LRRTM4: variants seen among roughly 807,000 people sequenced by gnomAD.
The protein encoded by LRRTM4 is leucine-rich repeat transmembrane neuronal protein 4.
In LRRTM4, 25 loss-of-function variants were observed where a neutral mutation model predicts 47.6. The ratio of observed to expected loss-of-function variants is 0.53; its 90% CI spans 0.38 to 0.73. LRRTM4 has a LOEUF of 0.73. LRRTM4 is among the 30% of genes least tolerant of loss of function. The pLI, the probability that LRRTM4 is intolerant of heterozygous loss-of-function variation, is 0.00. For synonymous variants in LRRTM4, 311 were observed against 269.5 expected (o/e 1.15, Z -1.51); for missense variants, 638 against 713.4 (o/e 0.89, Z 1.20).
At chr2:76,791,785 A>G (rs1241008042) in intron 3 of LRRTM4, among the ~76,000 whole-genome samples, 1 of 152,236 alleles carries the variant, frequency 6.6e-6, no homozygotes, top group African/African-American at 2.4e-5. Flanking sequence ...TTTCAGAGGT[A>G]TACTTACTTA....
At chr2:77,322,405 T>A (rs1428520721) in intron 3 of LRRTM4, among the ~76,000 whole-genome samples, 2 of 152,124 alleles carry the variant, frequency 1.3e-5, no homozygotes, top group Non-Finnish European at 2.9e-5. Flanking sequence ...GGATAAACTC[T>A]TAGTGTTTCA....
At chr2:76,948,210 T>C (rs1239597579) in intron 3 of LRRTM4, among the ~76,000 whole-genome samples, 1 of 151,844 alleles carries the variant, frequency 6.6e-6, no homozygotes, top group Non-Finnish European at 1.5e-5. Context: ...CCCACAGTAT[T>C]TGTTATTGTG....
At chr2:77,379,702 CTGTTT>C (rs1271036560) in intron 3 of LRRTM4, among the ~76,000 whole-genome samples, 1 of 151,810 alleles carries the variant, frequency 6.6e-6, no homozygotes, top group Non-Finnish European at 1.5e-5. Context: ...TGAATAAATT[CTGTTT>C]TGTTTTGTTT....
intron 3 of LRRTM4, among the ~76,000 whole-genome samples, chr2:77,139,380 A>T (rs1672048149): frequency 1.3e-5 from 2 of 152,212 alleles, no homozygotes; most frequent in African/African-American, 4.8e-5. Context: ...AAGCCACATG[A>T]TTATCTCAAT....
intron 3 of LRRTM4, among the ~76,000 whole-genome samples, chr2:77,171,271 T>C (rs773034160): frequency 6.6e-6 from 1 of 152,088 alleles, no homozygotes. Context: ...GTTGTTTGTT[T>C]GCTTGCTTGC....
rs10204411 is a variant in LRRTM4, at chr2:77,174,806, C to T, written c.1551+343512G>A. The stretch of plus-strand genomic sequence containing the variant: ...TGCTATCCCTCCCCCCTCGCCCCAC[C>T]CCACAACAGGCCCTGGTGTGTGATG... On this transcript the variant is annotated intron_variant, in intron 3 of 3. Transcript: ENST00000409884. Among the ~76,000 whole-genome samples, 1,356 of 152,034 alleles carry T rather than the reference C, an allele frequency of 8.9e-3. 16 individuals are homozygous for T. The highest frequency in any genetic ancestry group is 0.031 in the African/African-American group (1,300 of 41,444).
chr2:77,444,733 G>A (rs1446507925), intron 3 of LRRTM4, among the ~76,000 whole-genome samples: 1 of 151,860 alleles, frequency 6.6e-6, no homozygotes, highest in African/African-American at 2.4e-5. Context: ...AAACTCACAG[G>A]TTATTGAATA....
intron 3 of LRRTM4, among the ~76,000 whole-genome samples, chr2:77,514,592 C>T (rs777261010): frequency 1.2e-4 from 18 of 151,888 alleles, no homozygotes; most frequent in Non-Finnish European, 2.2e-4. Context: ...TGCCATTTTC[C>T]TAATAGCAGC....
chr2:77,081,395 G>T (rs1054742110), intron 3 of LRRTM4, among the ~76,000 whole-genome samples: 2 of 151,538 alleles, frequency 1.3e-5, no homozygotes, highest in Non-Finnish European at 2.9e-5. Context: ...AATGTAAAAG[G>T]TGTTCACATT....
At chr2:77,230,583 T>C (rs1278475977) in intron 3 of LRRTM4, among the ~76,000 whole-genome samples, 2 of 152,172 alleles carry the variant, frequency 1.3e-5, no homozygotes, top group African/African-American at 4.8e-5. Context: ...TTTGACATTC[T>C]TTCCTAAAAC....
At chr2:76,893,574 TAAGTCTAAACTA>T (rs145983591) in intron 3 of LRRTM4, among the ~76,000 whole-genome samples, 333 of 151,576 alleles carry the variant, frequency 2.2e-3, no homozygotes, top group African/African-American at 7.8e-3. Context: ...AATAATTGTG[TAAGTCTAAACTA>T]AGTCCTCTCC....
chr2:77,455,254 C>T (rs900540136), intron 3 of LRRTM4, among the ~76,000 whole-genome samples: 1 of 152,088 alleles, frequency 6.6e-6, no homozygotes, highest in Non-Finnish European at 1.5e-5. Flanking sequence ...AACATAGAGA[C>T]CATAGAGACT....
intron 3 of LRRTM4, among the ~76,000 whole-genome samples, chr2:77,196,853 C>A (rs1487822265): frequency 6.6e-6 from 1 of 151,914 alleles, no homozygotes; most frequent in Admixed American, 6.6e-5. Flanking sequence ...GGAAATAAAC[C>A]ATTTTAAAAA....
chr2:76,773,775 A>G (rs779699203), intron 3 of LRRTM4, among the ~76,000 whole-genome samples: 1 of 151,942 alleles, frequency 6.6e-6, no homozygotes, highest in Admixed American at 6.6e-5. Context: ...AAATCTAAAG[A>G]GAAATTGAAC....
At chr2:77,205,101 C>T (rs750080004) in intron 3 of LRRTM4, among the ~76,000 whole-genome samples, 8 of 152,088 alleles carry the variant, frequency 5.3e-5, no homozygotes, top group African/African-American at 9.7e-5. Flanking sequence ...TTTCCAGTGC[C>T]GGAAGAAGGC....
intron 3 of LRRTM4, among the ~76,000 whole-genome samples, chr2:77,019,253 C>CAAAAA (rs56028060): frequency 0.018 from 1,439 of 80,280 alleles, 92 homozygotes; most frequent in African/African-American, 0.061. Flanking sequence ...CACTGCTCTA[C>CAAAAA]AAAAAAAAAA....
At chr2:76,963,604 T>A (rs140923492) in intron 3 of LRRTM4, among the ~76,000 whole-genome samples, 1 of 150,978 alleles carries the variant, frequency 6.6e-6, no homozygotes, top group Non-Finnish European at 1.5e-5. Flanking sequence ...ATAAGTATCA[T>A]CTAAGCTATA....
intron 3 of LRRTM4, among the ~76,000 whole-genome samples, chr2:76,981,489 T>C (rs1170721752): frequency 2.6e-5 from 4 of 152,032 alleles, no homozygotes; most frequent in South Asian, 2.1e-4. Context: ...TTTGGAAATA[T>C]AATGTAAGCT....
chr2:77,411,618 A>ATTTTTTT (rs1222177148), intron 3 of LRRTM4, among the ~76,000 whole-genome samples: 17 of 64,800 alleles, frequency 2.6e-4, no homozygotes, highest in East Asian at 4.6e-4. Context: ...ATGCCCGGCT[A>ATTTTTTT]TTTTTTTTTT....
Sources: gnomAD v4.1 joint callset for allele counts (sites outside exome capture counted in the v4.1 genomes callset) on GRCh38, gnomAD v4.1.1 for gene constraint, MANE v1.5 for transcripts, NCBI Gene and HGNC (gene_info 2026-07-23, HGNC 2026-07-21) for gene names.